CD6: variants seen among roughly 807,000 people sequenced by gnomAD.
CD6 encodes the protein CD6 molecule.
A neutral mutation model predicts 75.3 loss-of-function variants in CD6; 53 were observed. The ratio of observed to expected loss-of-function variants is 0.70; its 90% CI spans 0.56 to 0.88. The LOEUF (loss-of-function observed/expected upper bound fraction) is 0.88. Among genes scored for constraint, CD6 ranks in the 40% least tolerant of loss-of-function variants. CD6 has a pLI of 0.00. For synonymous variants in CD6, 359 were observed against 381.5 expected (o/e 0.94, Z 0.69); for missense variants, 770 against 897.1 (o/e 0.86, Z 1.81).
At chr11:61,008,316 C>T in intron 3 of CD6, 1 of 556,798 alleles carries the variant, frequency 1.8e-6, no homozygotes, top group Middle Eastern at 4.7e-4. Flanking sequence ...AACCTGCCCT[C>T]CAGGCCCCGC....
rs989318403 is a variant in CD6, at chr11:61,019,376, T to G, written c.*58T>G. ...TGACCCTCTGGCCTCCTGCTCTACC[T>G]ACTCCCTTTCCCCTTTCCCACCCTC... On this transcript the variant is annotated 3_prime_UTR_variant, in exon 13 of 13. Coordinates refer to ENST00000313421, the MANE Select transcript of CD6 (RefSeq NM_006725.5). 3 of 1,376,162 alleles carry G rather than the reference T, an allele frequency of 2.2e-6. No individual in the cohort carries two copies. The African/African-American group carries it at 4.3e-5, about 20-fold the overall frequency. 85.2% of individuals were successfully genotyped at this position (1,376,162 alleles called of 1,614,324 possible).
At chr11:60,979,345 A>G (rs1857480524) in intron 1 of CD6, among the ~76,000 whole-genome samples, 1 of 152,112 alleles carries the variant, frequency 6.6e-6, no homozygotes, top group Non-Finnish European at 1.5e-5. Context: ...GCACGCCCTC[A>G]TGGGGTTTGC....
chr11:61,007,449 C>A lies in CD6; in HGVS notation c.119-111C>A. ...ATTTTGCAGACTGGAAAGCTGAGACCCCTAGCCAGGCAGGGCGTTGTCAAA... is the reference window on the plus strand; with the variant it reads ...ATTTTGCAGACTGGAAAGCTGAGACACCTAGCCAGGCAGGGCGTTGTCAAA... On this transcript the variant is annotated intron_variant, in intron 2 of 12. Coordinates refer to ENST00000313421, the MANE Select transcript of CD6 (RefSeq NM_006725.5). The surrounding 1 kb of genome is among the most constrained non-coding windows in gnomAD (Gnocchi z 4.2). 1 of 864,890 alleles carries A rather than the reference C, an allele frequency of 1.2e-6. No homozygotes were observed. The highest frequency in any genetic ancestry group is 1.8e-5 in the African/African-American group (1 of 55,942). The allele number at this position is 864,890 out of a possible 1,614,324, so 53.6% of individuals were successfully genotyped here.
intron 1 of CD6, among the ~76,000 whole-genome samples, chr11:60,974,637 C>T (rs1045907749): frequency 6.6e-6 from 1 of 152,206 alleles, no homozygotes; most frequent in Non-Finnish European, 1.5e-5. Context: ...GTTTGTGTTG[C>T]TGATTTCTGT....
chr11:60,981,661 C>T (rs1857562625), intron 1 of CD6, among the ~76,000 whole-genome samples: 1 of 152,216 alleles, frequency 6.6e-6, no homozygotes, highest in South Asian at 2.1e-4. Flanking sequence ...GCCACAGCTG[C>T]TGCTCCGACT....
At position 61,008,607 on chromosome 11, in the gene CD6, G is replaced by C. The variant is rs1337560648; in HGVS notation, c.543G>C (p.Glu181Asp). The C allele has an allele frequency of 6.2e-7, 1 of 1,608,158 alleles. No individual in the cohort carries two copies. The highest frequency in any genetic ancestry group is 1.7e-5 in the Admixed American group (1 of 59,412). ...AGRVEMLEHG[E>D]WGSVCDDTWD... Reference sequence around the variant, plus strand: ...GCGTGGAGATGCTGGAGCATGGCGAGTGGGGATCAGTGTGCGATGACACTT... The same window carrying C: ...GCGTGGAGATGCTGGAGCATGGCGACTGGGGATCAGTGTGCGATGACACTT... Residue 181 changes from glutamate (E) to aspartate (D), a missense_variant, in exon 4 of 13, where the codon GAG becomes GAC. Transcript: ENST00000313421.
intron 1 of CD6, 25 bp downstream of exon 1, chr11:60,971,939 G>A (rs1857199270): frequency 6.2e-7 from 1 of 1,612,372 alleles, no homozygotes; most frequent in Non-Finnish European, 8.5e-7. Context: ...CTCATCTCCT[G>A]CCACTGGTGC....
At chr11:61,018,688 C>T (rs1337728474) in intron 12 of CD6, 5 of 316,916 alleles carry the variant, frequency 1.6e-5, no homozygotes, top group Non-Finnish European at 3.0e-5. Context: ...AAGGGTAGCA[C>T]GTGCCTATAG....
At chr11:60,992,960 C>T (rs1858129159) in intron 1 of CD6, among the ~76,000 whole-genome samples, 1 of 152,176 alleles carries the variant, frequency 6.6e-6, no homozygotes, top group Non-Finnish European at 1.5e-5. Flanking sequence ...TGGTGACATG[C>T]CAGTGTTTCT....
intron 3 of CD6, among the ~76,000 whole-genome samples, 184 bp downstream of exon 3, chr11:61,008,094 C>T (rs1333220000): frequency 6.6e-6 from 1 of 152,124 alleles, no homozygotes; most frequent in African/African-American, 2.4e-5. Flanking sequence ...CAGATCTGAG[C>T]GTTTCCTTGG....
chr11:61,009,154 A>G (rs1590716819), intron 4 of CD6, among the ~76,000 whole-genome samples: 2 of 152,282 alleles, frequency 1.3e-5, no homozygotes, highest in East Asian at 3.9e-4. Flanking sequence ...CCTGCATTCA[A>G]GCAGCAAGGG....
intron 1 of CD6, among the ~76,000 whole-genome samples, chr11:60,980,611 T>C (rs1443365458): frequency 6.6e-6 from 1 of 152,140 alleles, no homozygotes; most frequent in Non-Finnish European, 1.5e-5. Context: ...GGCGGATCAC[T>C]TGAGGTCAGG....
Position 61,008,564 on chromosome 11 carries a change from G to T in CD6, c.500G>T (p.Gly167Val). 1 of 1,606,062 alleles carries T rather than the reference G, an allele frequency of 6.2e-7. No individual in the cohort carries two copies. The highest frequency in any genetic ancestry group is 8.5e-7 in the Non-Finnish European group (1 of 1,176,778). ...CGCGCGCTGCGCCTGGTGGACGGTG[G>T]CGGCGCCTGCGCCGGCCGCGTGGAG... ...ENRALRLVDG[G>V]GACAGRVEML... The change falls in exon 4 of 13, where the codon GGC becomes GTC. Residue 167 changes from glycine to valine, a missense_variant. Coordinates refer to ENST00000313421, the MANE Select transcript of CD6 (RefSeq NM_006725.5).
chr11:60,982,313 A>T (rs1207581147), intron 1 of CD6, among the ~76,000 whole-genome samples: 1 of 152,218 alleles, frequency 6.6e-6, no homozygotes, highest in Non-Finnish European at 1.5e-5. Context: ...AGTCAGATGC[A>T]AAGCCAAGCG....
At chr11:60,990,490 C>T (rs964575333) in intron 1 of CD6, among the ~76,000 whole-genome samples, 3 of 152,140 alleles carry the variant, frequency 2.0e-5, no homozygotes, top group Non-Finnish European at 4.4e-5. Flanking sequence ...TTCCAAAGTG[C>T]TGGGATTACA....
chr11:61,013,880 A>G lies in CD6; in HGVS notation c.1292-39A>G, dbSNP rs762536148. ...GAACCAGGTAGACTGGGAGAGGGCAAAAAAATGACTTGTAGAATTTCTGCC... is the reference window on the plus strand; with the variant it reads ...GAACCAGGTAGACTGGGAGAGGGCAGAAAAATGACTTGTAGAATTTCTGCC... On this transcript the variant is annotated intron_variant, in intron 7 of 12. Transcript: ENST00000313421. 15 of 1,489,462 alleles carry G rather than the reference A, an allele frequency of 1.0e-5. No homozygotes were observed. The Admixed American group carries it at 2.6e-4, about 26-fold the overall frequency. The allele number at this position is 1,489,462 out of a possible 1,614,324, so 92.3% of individuals were successfully genotyped here.
intron 1 of CD6, among the ~76,000 whole-genome samples, chr11:60,977,265 A>G (rs1463712610): frequency 6.6e-6 from 1 of 152,190 alleles, no homozygotes; most frequent in Non-Finnish European, 1.5e-5. Context: ...GGAGGAATAA[A>G]CAGGTGGCCC....
rs975334658 is a variant in CD6 at position 61,019,753 on chromosome 11, C to T, written c.*435C>T. ...GTCCTGCGAGGGGCAGAACTGGACC[C>T]CCATGCCAGTGCTGCTGCAGGAGGG... On this transcript the variant is annotated 3_prime_UTR_variant, in exon 13 of 13. Transcript: ENST00000313421. 5.9e-6 allele frequency: 1 copy of T among 169,496 alleles called. No homozygotes were observed. Among genetic ancestry groups the T allele is most frequent in the African/African-American group, 2.4e-5 (1 of 42,114 alleles). The allele number at this position is 169,496 out of a possible 1,614,324, so 10.5% of individuals were successfully genotyped here.
At chr11:60,979,389 A>AAGGCAAAATTAAAG (rs1273353149) in intron 1 of CD6, among the ~76,000 whole-genome samples, 1 of 151,904 alleles carries the variant, frequency 6.6e-6, no homozygotes, top group East Asian at 1.9e-4. Flanking sequence ...GGCCAGCAGG[A>AAGGCAAAATTAAAG]AGGCAAAATT....
Sources: allele counts gnomAD v4.1 joint callset (sites outside exome capture counted in the v4.1 genomes callset), GRCh38; gene constraint gnomAD v4.1.1; non-coding constraint Gnocchi (gnomAD v3.1); transcripts MANE v1.5; gene names NCBI Gene and HGNC (gene_info 2026-07-23, HGNC 2026-07-21).